ERP44: variants seen among roughly 807,000 people sequenced by gnomAD.
ERP44 encodes endoplasmic reticulum protein 44, also known as endoplasmic reticulum resident protein 44.
A neutral mutation model predicts 53.4 loss-of-function variants in ERP44; 25 were observed. The ratio of observed to expected loss-of-function variants is 0.47; its 90% CI spans 0.34 to 0.65. The LOEUF (loss-of-function observed/expected upper bound fraction) is 0.65. Among genes scored for constraint, ERP44 ranks in the 30% least tolerant of loss-of-function variants. The pLI is 0.01. For missense variants in ERP44, 338 were observed against 493.2 expected, an observed-to-expected ratio of 0.69 and a Z score of 2.98; for synonymous variants, 145 against 161.2, an observed-to-expected ratio of 0.90 and a Z score of 0.76.
rs960428024 is a variant in ERP44 at position 100,096,531 on chromosome 9, G to C, written c.57+2253C>G. ...TATATTCCAAAATGCTTTGAGATCAGGGAAAAGATAGCTACTTGCCTCCAG... is the reference window on the plus strand; with the variant it reads ...TATATTCCAAAATGCTTTGAGATCACGGAAAAGATAGCTACTTGCCTCCAG... On this transcript the variant is annotated intron_variant, in intron 1 of 11. Coordinates refer to ENST00000262455, the MANE Select transcript of ERP44 (RefSeq NM_015051.3). 2.0e-5 allele frequency among the ~76,000 whole-genome samples: 3 copies of C among 152,172 alleles called. No homozygotes were observed. In the South Asian group the frequency reaches 6.2e-4, roughly 32 times the overall value.
chr9:100,093,445 AC>A (rs1296283868), intron 1 of ERP44, among the ~76,000 whole-genome samples: 1 of 152,176 alleles, frequency 6.6e-6, no homozygotes, highest in Non-Finnish European at 1.5e-5. Context: ...GGAGTTCGAG[AC>A]CAGCCTGGGC....
rs187892197 is a variant in ERP44, at chr9:100,007,535, A to T, written c.874+43T>A. ...AGATGATGAAAGGGAAAAAAAGAAA[A>T]GAGAGAAAGAAATGATGAAAATAAA... On this transcript the variant is annotated intron_variant, in intron 9 of 11. Transcript: ENST00000262455. The T allele has an allele frequency of 4.5e-4, 440 of 979,288 alleles. No individual in the cohort carries two copies. The African/African-American group carries it at 6.3e-3, about 14-fold the overall frequency. 60.7% of individuals were successfully genotyped at this position (979,288 alleles called of 1,614,324 possible).
At chr9:100,086,253 T>C (rs1826480954) in intron 1 of ERP44, among the ~76,000 whole-genome samples, 1 of 152,222 alleles carries the variant, frequency 6.6e-6, no homozygotes, top group African/African-American at 2.4e-5. Context: ...GCATATCAAG[T>C]TAGATTTTTA....
At chr9:100,045,721 G>A (rs751560305) in intron 4 of ERP44, among the ~76,000 whole-genome samples, 7 of 152,086 alleles carry the variant, frequency 4.6e-5, no homozygotes, top group Non-Finnish European at 8.8e-5. Context: ...GGACAGAGTA[G>A]GCTAACATAA....
At chr9:100,004,091 C>T (rs527644624) in intron 10 of ERP44, among the ~76,000 whole-genome samples, 1 of 152,184 alleles carries the variant, frequency 6.6e-6, no homozygotes, top group Admixed American at 6.5e-5. Context: ...AAGCCTAGAG[C>T]TTAGGAGTCT....
chr9:99,998,802 G>A, intron 10 of ERP44: 3 of 996,622 alleles, frequency 3.0e-6, no homozygotes, highest in South Asian at 2.9e-5. Context: ...TTCTCTTCTC[G>A]AATTCTCTGC....
chr9:100,081,589 T>C (rs150636899), intron 1 of ERP44, among the ~76,000 whole-genome samples: 4 of 152,184 alleles, frequency 2.6e-5, no homozygotes, highest in African/African-American at 9.6e-5. Flanking sequence ...AAATCTGATA[T>C]AATCATCTCA....
chr9:100,043,291 A>AAAAACAAAAAAAAAAAAAAAAAAG (rs1168903331), intron 4 of ERP44, among the ~76,000 whole-genome samples: 1 of 74,878 alleles, frequency 1.3e-5, no homozygotes, highest in African/African-American at 5.8e-5. Context: ...AAAAAAAAAA[A>AAAAACAAAAAAAAAAAAAAAAAAG]GATAAATAAG....
At chr9:100,040,897 C>T (rs1825893237) in intron 4 of ERP44, among the ~76,000 whole-genome samples, 1 of 151,854 alleles carries the variant, frequency 6.6e-6, no homozygotes, top group South Asian at 2.1e-4. Flanking sequence ...AAAATGTAAT[C>T]CCATTTACAA....
At chr9:100,049,308 G>A (rs969032818) in intron 4 of ERP44, among the ~76,000 whole-genome samples, 2 of 152,276 alleles carry the variant, frequency 1.3e-5, no homozygotes, top group African/African-American at 4.8e-5. Context: ...GTGGTGGAAA[G>A]GCCACTGGGG....
chr9:100,071,208 C>A (rs886776949), intron 1 of ERP44, among the ~76,000 whole-genome samples: 2 of 151,796 alleles, frequency 1.3e-5, no homozygotes, highest in Non-Finnish European at 2.9e-5. Context: ...AATCCTCCCA[C>A]CTCAGCCTCC....
At chr9:100,058,647 T>A (rs1363839618) in intron 2 of ERP44, among the ~76,000 whole-genome samples, 1 of 152,202 alleles carries the variant, frequency 6.6e-6, no homozygotes, top group African/African-American at 2.4e-5. Flanking sequence ...GCCAGTTTTT[T>A]AATTCCTATC....
intron 1 of ERP44, among the ~76,000 whole-genome samples, chr9:100,097,611 T>C (rs1826655289): frequency 6.6e-6 from 1 of 152,252 alleles, no homozygotes; most frequent in Admixed American, 6.5e-5. Context: ...TATCATTTAA[T>C]ATTACAATGT....
intron 4 of ERP44, among the ~76,000 whole-genome samples, chr9:100,040,818 T>C (rs1286775258): frequency 1.3e-5 from 2 of 152,104 alleles, no homozygotes; most frequent in Admixed American, 1.3e-4. Flanking sequence ...AGTTGCAAGA[T>C]ACAAAATCAA....
intron 11 of ERP44, among the ~76,000 whole-genome samples, chr9:99,984,080 T>A (rs1015293255): frequency 6.6e-6 from 1 of 152,312 alleles, no homozygotes; most frequent in Non-Finnish European, 1.5e-5. Context: ...TTATCAAAAA[T>A]CTGACCTAAT....
intron 4 of ERP44, among the ~76,000 whole-genome samples, chr9:100,043,387 G>T (rs1056971953): frequency 1.3e-5 from 2 of 148,472 alleles, no homozygotes; most frequent in South Asian, 2.2e-4. Context: ...CGTATGATTC[G>T]ATCTCAATCG....
intron 1 of ERP44, among the ~76,000 whole-genome samples, chr9:100,090,952 AAAATTTCTTAAATCCAT>A (rs1442034852): frequency 1.3e-5 from 2 of 152,148 alleles, no homozygotes; most frequent in Non-Finnish European, 2.9e-5. Context: ...ACCTTTTTCT[AAAATTTCTTAAATCCAT>A]TCACCAAAGG....
At chr9:100,095,910 TAAATA>T (rs1826621875) in intron 1 of ERP44, among the ~76,000 whole-genome samples, 1 of 152,168 alleles carries the variant, frequency 6.6e-6, no homozygotes, top group Admixed American at 6.5e-5. Flanking sequence ...TTGTAACGAT[TAAATA>T]AATGTTTACT....
chr9:100,053,330 A>T (rs1401962830), intron 3 of ERP44, among the ~76,000 whole-genome samples: 1 of 152,152 alleles, frequency 6.6e-6, no homozygotes, highest in Non-Finnish European at 1.5e-5. Flanking sequence ...TACTTTAAAC[A>T]CAAGGCACAA....
Sources: allele counts gnomAD v4.1 joint callset (sites outside exome capture counted in the v4.1 genomes callset), GRCh38; gene constraint gnomAD v4.1.1; transcripts MANE v1.5; gene names NCBI Gene and HGNC (gene_info 2026-07-23, HGNC 2026-07-21).